The following PGPEP1L variants were observed in gnomAD, a reference collection of about 807,000 sequenced individuals.
PGPEP1L encodes the protein pyroglutamyl-peptidase 1-like protein.
In PGPEP1L, 7 loss-of-function variants were observed where a neutral mutation model predicts 6.0. That is an observed-to-expected ratio of 1.17 (90% CI 0.66 to 2.19). The LOEUF is 2.19. Ranked by LOEUF, PGPEP1L falls within the 30% of genes most tolerant of loss-of-function variation. The pLI is 0.00. For missense variants in PGPEP1L, 209 were observed against 192.5 expected (o/e 1.09, Z -0.51); for synonymous variants, 103 against 83.9 (o/e 1.23, Z -1.24).
chr15:98,968,694 G>T lies in PGPEP1L; in HGVS notation c.213C>A (p.Tyr71Ter). ...DVIFSRDAGR[Y>*]VCDYTYYLSL... ...ACAGGTAATAGGTATAATCACAGAC[G>T]TATCTGCAACCACAGGAAATGCCAC... Residue 71 changes from tyrosine (Y) to a stop codon, truncating the protein, a stop_gained, in exon 5 of 5, where the codon TAC becomes TAA. Coordinates refer to ENST00000535714, the MANE Select transcript of PGPEP1L (RefSeq NM_001167902.2). LOFTEE classifies it low-confidence loss of function (END_TRUNC). The T allele has an allele frequency of 1.9e-6, 3 of 1,561,602 alleles. No individual in the cohort carries two copies. Among genetic ancestry groups the T allele is most frequent in the Non-Finnish European group, 2.6e-6 (3 of 1,152,632 alleles).
intron 2 of PGPEP1L, 107 bp from the exon 3 acceptor site, chr15:98,971,265 T>G: frequency 2.9e-6 from 4 of 1,367,400 alleles, no homozygotes; most frequent in Admixed American, 2.4e-5. Flanking sequence ...CCAGGGGTCT[T>G]CCGCAGCCTG....
At chr15:99,006,176 C>CG (rs1275483597) in intron 1 of PGPEP1L, among the ~76,000 whole-genome samples, 3 of 152,196 alleles carry the variant, frequency 2.0e-5, no homozygotes, top group African/African-American at 7.2e-5. Flanking sequence ...TTTTGAGAAA[C>CG]GAGGATCGCA....
chr15:98,975,266 A>G (rs2017551514), intron 2 of PGPEP1L, among the ~76,000 whole-genome samples: 1 of 152,246 alleles, frequency 6.6e-6, no homozygotes, highest in South Asian at 2.1e-4. Context: ...TGAAAGCTAA[A>G]AAAGTTGATG....
At chr15:98,999,549 T>A (rs2151765656) in intron 2 of PGPEP1L, among the ~76,000 whole-genome samples, 1 of 152,302 alleles carries the variant, frequency 6.6e-6, no homozygotes, top group Admixed American at 6.5e-5. Flanking sequence ...GAAAGTGGAT[T>A]TACTAGCATT....
chr15:99,005,832 C>T (rs2018049050), intron 1 of PGPEP1L, among the ~76,000 whole-genome samples, 176 bp from the exon 2 acceptor site: 1 of 152,140 alleles, frequency 6.6e-6, no homozygotes, highest in African/African-American at 2.4e-5. Flanking sequence ...TTGCCTGGGA[C>T]AGAAGGATGT....
At chr15:98,994,396 G>A (rs2017859845) in intron 2 of PGPEP1L, among the ~76,000 whole-genome samples, 1 of 152,148 alleles carries the variant, frequency 6.6e-6, no homozygotes, top group African/African-American at 2.4e-5. Flanking sequence ...GCTCACACCT[G>A]TAATCCCAGC....
rs2018104990 is a variant in PGPEP1L, at chr15:99,007,712, A to T, written c.-723T>A. ...TCATAAAGGCAGTGCGGACCCAAACAGTAAGCAGCAGCAACGGTTATTGCA... is the reference window on the plus strand; with the variant it reads ...TCATAAAGGCAGTGCGGACCCAAACTGTAAGCAGCAGCAACGGTTATTGCA... On this transcript the variant is annotated 5_prime_UTR_variant, in exon 1 of 5. Transcript: ENST00000535714. 6.6e-6 allele frequency: 1 copy of T among 152,294 alleles called. No individual in the cohort carries two copies. Among genetic ancestry groups the T allele is most frequent in the African/African-American group, 2.4e-5 (1 of 41,470 alleles). 9.4% of individuals were successfully genotyped at this position (152,294 alleles called of 1,614,324 possible).
At chr15:98,980,499 A>G (rs758137854) in intron 2 of PGPEP1L, among the ~76,000 whole-genome samples, 3 of 152,244 alleles carry the variant, frequency 2.0e-5, no homozygotes, top group Non-Finnish European at 4.4e-5. Context: ...AGGAGGACTC[A>G]GCTCTCTCAT....
chr15:98,987,392 C>A (rs1031320387), intron 2 of PGPEP1L, among the ~76,000 whole-genome samples: 2 of 151,974 alleles, frequency 1.3e-5, no homozygotes, highest in Non-Finnish European at 2.9e-5. Context: ...GATGCACTCA[C>A]CCTCAACATT....
At chr15:99,004,635 T>G (rs373262813) in intron 2 of PGPEP1L, among the ~76,000 whole-genome samples, 3 of 152,114 alleles carry the variant, frequency 2.0e-5, no homozygotes, top group Admixed American at 6.5e-5. Context: ...GGAGAATCGC[T>G]TGAACCCAGG....
At chr15:98,992,925 AC>A (rs2017838242) in intron 2 of PGPEP1L, among the ~76,000 whole-genome samples, 2 of 152,232 alleles carry the variant, frequency 1.3e-5, no homozygotes, top group Non-Finnish European at 2.9e-5. Flanking sequence ...ACCCTTCCTT[AC>A]ACCTTATACA....
intron 4 of PGPEP1L, among the ~76,000 whole-genome samples, chr15:98,969,018 G>GA (rs1266172290): frequency 1.3e-5 from 2 of 152,172 alleles, no homozygotes; most frequent in Non-Finnish European, 2.9e-5. Flanking sequence ...GGGGAAAGGG[G>GA]AAAAACCACC....
chr15:99,007,019 A>G (rs539799513), intron 1 of PGPEP1L, among the ~76,000 whole-genome samples: 4 of 152,258 alleles, frequency 2.6e-5, no homozygotes, highest in African/African-American at 7.2e-5. Flanking sequence ...TCCTCCTGAT[A>G]TAAAGCGCTC....
intron 1 of PGPEP1L, among the ~76,000 whole-genome samples, chr15:99,007,096 G>A (rs553689908): frequency 2.0e-5 from 3 of 152,294 alleles, no homozygotes; most frequent in African/African-American, 7.2e-5. Flanking sequence ...TCTGAACCAG[G>A]AACAATTCCC....
At chr15:98,972,096 T>C (rs1279564816) in intron 2 of PGPEP1L, among the ~76,000 whole-genome samples, 1 of 152,346 alleles carries the variant, frequency 6.6e-6, no homozygotes, top group East Asian at 1.9e-4. Context: ...TTCACACCTG[T>C]AATCCCAGCA....
At chr15:99,007,042 G>T (rs1404315882) in intron 1 of PGPEP1L, among the ~76,000 whole-genome samples, 3 of 152,096 alleles carry the variant, frequency 2.0e-5, no homozygotes, top group Non-Finnish European at 4.4e-5. Flanking sequence ...TTTTAATTGG[G>T]ATCACCCCCG....
intron 2 of PGPEP1L, among the ~76,000 whole-genome samples, chr15:99,000,826 G>A (rs1194537052): frequency 1.3e-5 from 2 of 152,138 alleles, no homozygotes; most frequent in African/African-American, 2.4e-5. Flanking sequence ...CAGGCTGCGG[G>A]AGCCAACAGT....
At chr15:99,002,856 A>G (rs2017993519) in intron 2 of PGPEP1L, among the ~76,000 whole-genome samples, 1 of 151,782 alleles carries the variant, frequency 6.6e-6, no homozygotes, top group Non-Finnish European at 1.5e-5. Flanking sequence ...CCTGTGACAT[A>G]TTTCTCAAGT....
At chr15:99,004,707 ACT>A (rs753101667) in intron 2 of PGPEP1L, among the ~76,000 whole-genome samples, 29 of 152,028 alleles carry the variant, frequency 1.9e-4, no homozygotes, top group Non-Finnish European at 3.1e-4. Context: ...ACAGAACAAG[ACT>A]CTGTCTCAAA....
Sources: gnomAD v4.1 joint callset for allele counts (sites outside exome capture counted in the v4.1 genomes callset) on GRCh38, gnomAD v4.1.1 for gene constraint, MANE v1.5 for transcripts, NCBI Gene and HGNC (gene_info 2026-07-23, HGNC 2026-07-21) for gene names.